RPS6KA5: variants seen among roughly 807,000 people sequenced by gnomAD.
RPS6KA5 encodes ribosomal protein S6 kinase A5, also known as ribosomal protein S6 kinase alpha-5.
A neutral mutation model predicts 85.5 loss-of-function variants in RPS6KA5; 27 were observed. The ratio of observed to expected loss-of-function variants is 0.32; its 90% CI spans 0.23 to 0.44. RPS6KA5 has a LOEUF of 0.44. Among genes scored for constraint, RPS6KA5 ranks in the 20% least tolerant of loss-of-function variants. The pLI is 1.00. For missense variants in RPS6KA5, 811 were observed against 980.9 expected, an observed-to-expected ratio of 0.83 and a Z score of 2.31; for synonymous variants, 334 against 348.2, an observed-to-expected ratio of 0.96 and a Z score of 0.46.
At chr14:91,052,399 C>T (rs1246872296) in intron 1 of RPS6KA5, 5 of 355,840 alleles carry the variant, frequency 1.4e-5, no homozygotes, top group South Asian at 5.9e-5. Flanking sequence ...ACCCAGGAGG[C>T]GGAGGTTATA....
At chr14:91,043,742 G>A (rs762179300) in intron 1 of RPS6KA5, among the ~76,000 whole-genome samples, 5 of 152,044 alleles carry the variant, frequency 3.3e-5, no homozygotes, top group Non-Finnish European at 5.9e-5. Flanking sequence ...TGCCCACCCC[G>A]ATACGCATTT....
In RPS6KA5 at chr14:90,873,726, T is replaced by C. The variant is rs758229532; in HGVS notation, c.2066A>G (p.Asp689Gly). 7 of 1,613,954 alleles carry C rather than the reference T, an allele frequency of 4.3e-6. No individual in the cohort carries two copies. Among genetic ancestry groups the C allele is most frequent in the African/African-American group, 1.3e-5 (1 of 74,928 alleles). Residue 689 changes from aspartate to glycine, a missense_variant, in exon 16 of 17, where the codon GAT becomes GGT. Physicochemically the swap from Asp to Gly is moderately conservative, Grantham distance 94. Coordinates refer to ENST00000614987, the MANE Select transcript of RPS6KA5 (RefSeq NM_004755.4). ...SGLRYNEWLQ[D>G]GSQLSSNPLM... ...AGGATTGGAGGACAGCTGACTTCCA[T>C]CTTGTAGCCATTCATTGTACCTCAA...
intron 5 of RPS6KA5, among the ~76,000 whole-genome samples, chr14:90,936,593 T>C (rs1192640902): frequency 2.6e-5 from 4 of 152,078 alleles, no homozygotes; most frequent in Admixed American, 1.3e-4. Context: ...GAAATAATTA[T>C]ATGAATATTT....
At chr14:90,974,037 C>CAAAAAAAAAAAAA (rs56212923) in intron 3 of RPS6KA5, among the ~76,000 whole-genome samples, 23 of 61,440 alleles carry the variant, frequency 3.7e-4, no homozygotes, top group South Asian at 8.8e-4. Flanking sequence ...GACTCCATCT[C>CAAAAAAAAAAAAA]AAAAAAAAAA....
intron 3 of RPS6KA5, among the ~76,000 whole-genome samples, chr14:90,975,207 A>C (rs1442299875): frequency 6.6e-6 from 1 of 152,238 alleles, no homozygotes; most frequent in African/African-American, 2.4e-5. Context: ...AAAGATTTAT[A>C]GTATTTACTT....
intron 3 of RPS6KA5, among the ~76,000 whole-genome samples, chr14:90,959,263 G>C (rs2038678870): frequency 6.6e-6 from 1 of 152,212 alleles, no homozygotes; most frequent in Non-Finnish European, 1.5e-5. Flanking sequence ...CGGCTGTGCA[G>C]CACAGAGGCC....
chr14:90,952,219 T>C (rs1409992824), intron 3 of RPS6KA5, among the ~76,000 whole-genome samples: 1 of 152,232 alleles, frequency 6.6e-6, no homozygotes, highest in Non-Finnish European at 1.5e-5. Flanking sequence ...ATGCTATTAG[T>C]GGGAAATATC....
chr14:90,906,125 C>T, intron 8 of RPS6KA5, 24 bp downstream of exon 8: 2 of 1,573,000 alleles, frequency 1.3e-6, no homozygotes, highest in South Asian at 1.2e-5. Context: ...AGTATGAAAC[C>T]ATTTATCTAT....
chr14:91,024,254 T>A (rs770454290), intron 1 of RPS6KA5, among the ~76,000 whole-genome samples: 1 of 152,130 alleles, frequency 6.6e-6, no homozygotes, highest in Non-Finnish European at 1.5e-5. Context: ...TTTTCCAGAA[T>A]CCATTTCCTC....
chr14:91,012,651 T>C (rs1196118633), intron 1 of RPS6KA5, among the ~76,000 whole-genome samples: 1 of 152,216 alleles, frequency 6.6e-6, no homozygotes, highest in Admixed American at 6.5e-5. Context: ...TAGAGCTACT[T>C]GGTCACCAAC....
chr14:90,865,456 A>C lies in RPS6KA5; in HGVS notation c.*6618T>G, dbSNP rs1053714159. The C allele has an allele frequency of 6.6e-6, 1 of 152,262 alleles. No individual in the cohort carries two copies. The allele number at this position is 152,262 out of a possible 1,614,324, so 9.4% of individuals were successfully genotyped here. On this transcript the variant is annotated 3_prime_UTR_variant, in exon 17 of 17. Transcript: ENST00000614987. Reference sequence around the variant, plus strand: ...TTCCATGTATAGGAATGTCAACAACAGTGACAGAGGTCAGAGTGGTGGTTA... The same window carrying C: ...TTCCATGTATAGGAATGTCAACAACCGTGACAGAGGTCAGAGTGGTGGTTA...
At chr14:90,939,783 G>A (rs1173791692) in intron 5 of RPS6KA5, among the ~76,000 whole-genome samples, 2 of 152,116 alleles carry the variant, frequency 1.3e-5, no homozygotes, top group Admixed American at 6.5e-5. Context: ...TTCAAGATGA[G>A]ATTTGGGTGG....
At chr14:91,009,604 AT>A (rs764113859) in intron 1 of RPS6KA5, among the ~76,000 whole-genome samples, 2 of 152,186 alleles carry the variant, frequency 1.3e-5, no homozygotes, top group Non-Finnish European at 2.9e-5. Context: ...TATCTAAAGC[AT>A]AAGAAATGCA....
intron 3 of RPS6KA5, among the ~76,000 whole-genome samples, chr14:90,976,048 T>C (rs564713037): frequency 1.3e-4 from 20 of 152,138 alleles, no homozygotes; most frequent in African/African-American, 3.9e-4. Context: ...GGAGAGCCAA[T>C]AACGAAAAAG....
chr14:91,042,936 A>G (rs2042660515), intron 1 of RPS6KA5, among the ~76,000 whole-genome samples: 1 of 152,138 alleles, frequency 6.6e-6, no homozygotes, highest in Non-Finnish European at 1.5e-5. Flanking sequence ...AACCCCATAT[A>G]GCTCTCTGGC....
intron 1 of RPS6KA5, among the ~76,000 whole-genome samples, chr14:91,026,233 T>C (rs10142702): frequency 0.023 from 3,486 of 152,276 alleles, 100 homozygotes; most frequent in African/African-American, 0.066. Flanking sequence ...TTTTATTTTG[T>C]TCTCTGTTGC....
In RPS6KA5 at chr14:90,873,632, G is replaced by A. The variant is rs562239102; in HGVS notation, c.2160C>T (p.His720=). ...AVHTCVKATF[H]AFNKYKREGF... is the part of the protein sequence containing the mutation. Reference sequence around the variant, plus strand: ...ACATGTACAGAGCACAGGGCCTTACGTGGAAGGTTGCTTTCACACAGGTAT... The same window carrying A: ...ACATGTACAGAGCACAGGGCCTTACATGGAAGGTTGCTTTCACACAGGTAT... Residue 720 remains histidine, a splice_region_variant and synonymous_variant, in exon 16 of 17, where the codon CAC becomes CAT. Coordinates refer to ENST00000614987, the MANE Select transcript of RPS6KA5 (RefSeq NM_004755.4). 20 of 1,613,558 alleles carry A rather than the reference G, an allele frequency of 1.2e-5. No homozygotes were observed. The highest frequency in any genetic ancestry group is 8.9e-5 in the East Asian group (4 of 44,864).
chr14:90,893,142 A>G (rs1481263042), intron 13 of RPS6KA5, among the ~76,000 whole-genome samples: 1 of 152,174 alleles, frequency 6.6e-6, no homozygotes, highest in Non-Finnish European at 1.5e-5. Context: ...TTTTCAATTA[A>G]AAAAAACTAC....
At position 90,936,662 on chromosome 14, in the gene RPS6KA5, A is replaced by G. The variant is rs371355636; in HGVS notation, c.618+6416T>C. 6.6e-5 allele frequency among the ~76,000 whole-genome samples: 10 copies of G among 152,326 alleles called. No individual in the cohort carries two copies. The East Asian group carries it at 9.6e-4, about 15-fold the overall frequency. On this transcript the variant is annotated intron_variant, in intron 5 of 16. Coordinates refer to ENST00000614987, the MANE Select transcript of RPS6KA5 (RefSeq NM_004755.4). The stretch of plus-strand genomic sequence containing the variant: ...TAAGGAATTTGTTATGTTCACCATT[A>G]TATTTGTAGGGTCTAGTGCAATACC...
Sources: allele counts gnomAD v4.1 joint callset (sites outside exome capture counted in the v4.1 genomes callset), GRCh38; gene constraint gnomAD v4.1.1; transcripts MANE v1.5; gene names NCBI Gene and HGNC (gene_info 2026-07-23, HGNC 2026-07-21).